FAM227B: variants seen among roughly 807,000 people sequenced by gnomAD.
The protein encoded by FAM227B is family with sequence similarity 227 member B.
FAM227B carries 88 observed loss-of-function variants against 73.8 expected under a neutral mutation model. The observed-to-expected ratio is 1.19, with a 90% CI of 1.00 to 1.42. The LOEUF is 1.42. Among genes scored for constraint, FAM227B ranks in the 40% most tolerant of loss-of-function variants. The pLI is 0.00. For missense variants in FAM227B, 632 were observed against 590.9 expected (o/e 1.07, Z -0.72); for synonymous variants, 210 against 190.5 (o/e 1.10, Z -0.84).
chr15:49,610,271 C>T, intron 3 of FAM227B, among the ~76,000 whole-genome samples: 1 of 151,742 alleles, frequency 6.6e-6, no homozygotes, highest in East Asian at 1.9e-4. Flanking sequence ...GGCTGCAGCA[C>T]ATTTGCATCA....
chr15:49,545,706 G>T (rs2071743172), intron 9 of FAM227B, among the ~76,000 whole-genome samples: 1 of 152,034 alleles, frequency 6.6e-6, no homozygotes, highest in Non-Finnish European at 1.5e-5. Context: ...TTACTGTTCA[G>T]TTCAAAGAAT....
rs565018289 is a variant in FAM227B, at chr15:49,437,210, A to C, written c.1013-65811T>G. Reference sequence around the variant, plus strand: ...TATATATACAGTTTAATTTCAGATAATCTCAGATAACTTAGTCATATTTAG... The same window carrying C: ...TATATATACAGTTTAATTTCAGATACTCTCAGATAACTTAGTCATATTTAG... On this transcript the variant is annotated intron_variant, in intron 11 of 15. Coordinates refer to ENST00000299338, the MANE Select transcript of FAM227B (RefSeq NM_152647.3). Among the ~76,000 whole-genome samples, 19 of 151,634 alleles carry C rather than the reference A, an allele frequency of 1.3e-4. No individual in the cohort carries two copies. In the South Asian group the frequency reaches 3.7e-3, roughly 30 times the overall value.
intron 11 of FAM227B, among the ~76,000 whole-genome samples, chr15:49,402,219 A>T (rs1369496954): frequency 1.3e-5 from 2 of 152,158 alleles, no homozygotes; most frequent in East Asian, 3.9e-4. Context: ...TGATAGAAAG[A>T]CACAGAGATG....
chr15:49,561,814 C>T (rs995988813), intron 9 of FAM227B, among the ~76,000 whole-genome samples: 1 of 151,962 alleles, frequency 6.6e-6, no homozygotes, highest in Non-Finnish European at 1.5e-5. Context: ...AATAGAGACA[C>T]GACATACCCA....
chr15:49,361,239 C>A (rs191265257), intron 13 of FAM227B, among the ~76,000 whole-genome samples: 1 of 151,892 alleles, frequency 6.6e-6, no homozygotes, highest in East Asian at 1.9e-4. Flanking sequence ...ACCTATGATG[C>A]AAATTTTTTT....
intron 8 of FAM227B, among the ~76,000 whole-genome samples, chr15:49,573,988 G>C (rs2075287919): frequency 6.6e-6 from 1 of 151,916 alleles, no homozygotes; most frequent in South Asian, 2.1e-4. Flanking sequence ...TGTTATGTTA[G>C]GTTGATGAAT....
intron 10 of FAM227B, among the ~76,000 whole-genome samples, chr15:49,523,749 C>T (rs2059949500): frequency 6.6e-6 from 1 of 152,150 alleles, no homozygotes; most frequent in African/African-American, 2.4e-5. Flanking sequence ...CATTTTTATG[C>T]TAATAGTGAT....
At chr15:49,334,240 T>C in intron 14 of FAM227B, 1 of 984,454 alleles carries the variant, frequency 1.0e-6, no homozygotes, top group Non-Finnish European at 1.2e-6. Flanking sequence ...TTGTCAATTC[T>C]TTCCTGCTGC....
chr15:49,352,883 T>C (rs2042454538), intron 13 of FAM227B, among the ~76,000 whole-genome samples: 1 of 152,208 alleles, frequency 6.6e-6, no homozygotes, highest in Non-Finnish European at 1.5e-5. Flanking sequence ...TGGAATTTCT[T>C]GGTTTTGAGA....
intron 5 of FAM227B, among the ~76,000 whole-genome samples, chr15:49,583,661 A>G (rs538862255): frequency 1.3e-5 from 2 of 151,874 alleles, no homozygotes; most frequent in African/African-American, 4.8e-5. Flanking sequence ...TGGCAAAAAA[A>G]AAAAAAAAAT....
intron 8 of FAM227B, 136 bp from the exon 9 acceptor site, chr15:49,568,482 G>A (rs1417828999): frequency 3.0e-6 from 2 of 659,718 alleles, no homozygotes; most frequent in African/African-American, 1.9e-5. Flanking sequence ...TTCGCATAAT[G>A]CAGACCCAAA....
chr15:49,442,139 C>G (rs1319024350), intron 11 of FAM227B, among the ~76,000 whole-genome samples: 1 of 151,572 alleles, frequency 6.6e-6, no homozygotes, highest in Non-Finnish European at 1.5e-5. Context: ...CATTAAGAAA[C>G]TCTATCATTT....
chr15:49,456,332 G>A (rs1270009459), intron 11 of FAM227B, among the ~76,000 whole-genome samples: 2 of 152,066 alleles, frequency 1.3e-5, no homozygotes, highest in Admixed American at 6.5e-5. Flanking sequence ...GAAGTTGAAA[G>A]AAATAATGGA....
chr15:49,393,751 C>T (rs577342393), intron 11 of FAM227B, among the ~76,000 whole-genome samples: 1 of 152,242 alleles, frequency 6.6e-6, no homozygotes, highest in Middle Eastern at 3.4e-3. Context: ...TGAATCCAAA[C>T]TTAATCAAAT....
intron 11 of FAM227B, among the ~76,000 whole-genome samples, chr15:49,481,844 G>A (rs1366551669): frequency 2.0e-5 from 3 of 152,100 alleles, no homozygotes; most frequent in Non-Finnish European, 4.4e-5. Flanking sequence ...TCTGACTAGT[G>A]TTAAGTATAG....
chr15:49,518,303 A>T (rs558001052), intron 10 of FAM227B, among the ~76,000 whole-genome samples: 1 of 152,294 alleles, frequency 6.6e-6, no homozygotes, highest in African/African-American at 2.4e-5. Context: ...TAGGATTTTA[A>T]GATGGCTGCC....
intron 8 of FAM227B, 121 bp from the exon 9 acceptor site, chr15:49,568,467 G>A: frequency 1.3e-6 from 1 of 786,252 alleles, no homozygotes; most frequent in Non-Finnish European, 2.0e-6. Flanking sequence ...GAATCAGCAT[G>A]GGTTTTCGCA....
At chr15:49,439,095 T>C (rs1419338955) in intron 11 of FAM227B, among the ~76,000 whole-genome samples, 1 of 151,732 alleles carries the variant, frequency 6.6e-6, no homozygotes, top group Non-Finnish European at 1.5e-5. Context: ...AGTCTTCTTA[T>C]GTCTTGACTG....
intron 8 of FAM227B, among the ~76,000 whole-genome samples, chr15:49,569,392 T>C (rs2074926137): frequency 6.6e-6 from 1 of 151,932 alleles, no homozygotes; most frequent in Admixed American, 6.6e-5. Flanking sequence ...TATTATTTCC[T>C]TCCTTCTGTT....
Sources: allele counts gnomAD v4.1 joint callset (sites outside exome capture counted in the v4.1 genomes callset), GRCh38; gene constraint gnomAD v4.1.1; transcripts MANE v1.5; gene names NCBI Gene and HGNC (gene_info 2026-07-23, HGNC 2026-07-21).